PJA2: variants seen among roughly 807,000 people sequenced by gnomAD.
The protein encoded by PJA2 is praja ring finger ubiquitin ligase 2, also known as E3 ubiquitin-protein ligase Praja-2.
In PJA2, 25 loss-of-function variants were observed where a neutral mutation model predicts 69.3. The observed-to-expected ratio is 0.36, with a 90% CI of 0.26 to 0.50. PJA2 has a LOEUF of 0.50. PJA2 is among the 20% of genes least tolerant of loss of function. PJA2 has a pLI of 0.96. For synonymous variants in PJA2, 308 were observed against 277.8 expected (o/e 1.11, Z -1.08); for missense variants, 809 against 830.2 (o/e 0.97, Z 0.31).
At chr5:109,390,769 C>T (rs1747264456) in intron 1 of PJA2, 3 of 151,964 alleles carry the variant, frequency 2.0e-5, no homozygotes, top group Admixed American at 2.0e-4. Flanking sequence ...CTAGAAATTA[C>T]AAAATGTATC....
At chr5:109,406,048 T>C (rs1174704335) in intron 1 of PJA2, among the ~76,000 whole-genome samples, 1 of 148,932 alleles carries the variant, frequency 6.7e-6, no homozygotes, top group African/African-American at 2.5e-5. Context: ...CCATTTTTTT[T>C]TTTTTTTTTT....
intron 7 of PJA2, among the ~76,000 whole-genome samples, chr5:109,353,003 ATT>A (rs1762286305): frequency 1.5e-5 from 2 of 135,880 alleles, no homozygotes; most frequent in African/African-American, 5.5e-5. Context: ...ATATCTATAT[ATT>A]AGATACCTAT....
At chr5:109,344,161 T>G (rs1175222352) in intron 9 of PJA2, 29 bp downstream of exon 9, 1 of 1,308,908 alleles carries the variant, frequency 7.6e-7, no homozygotes, top group Non-Finnish European at 1.0e-6. Flanking sequence ...TTAAAGTATT[T>G]TTAAATTTTT....
intron 9 of PJA2, among the ~76,000 whole-genome samples, chr5:109,342,164 C>T (rs1762079985): frequency 3.7e-5 from 4 of 109,244 alleles, no homozygotes; most frequent in Admixed American, 8.5e-5. Flanking sequence ...GTCAGCCCCC[C>T]GCCCGGCCAG....
At chr5:109,365,698 C>T (rs943059445) in intron 5 of PJA2, among the ~76,000 whole-genome samples, 3 of 152,086 alleles carry the variant, frequency 2.0e-5, no homozygotes, top group Non-Finnish European at 2.9e-5. Context: ...AGCACTCAAA[C>T]TTGTGTCATT....
At chr5:109,401,335 C>A (rs1029017392) in intron 1 of PJA2, among the ~76,000 whole-genome samples, 1 of 152,082 alleles carries the variant, frequency 6.6e-6, no homozygotes, top group African/African-American at 2.4e-5. Flanking sequence ...TGGCTCAGGC[C>A]TGCAAATGCA....
rs748269912 is a variant in PJA2, at chr5:109,353,107, C to CTAT, written c.1764+2805_1764+2807dup. Among the ~76,000 whole-genome samples the CTAT allele has an allele frequency of 8.2e-3, 1,134 of 139,068 alleles. 21 individuals are homozygous for CTAT. The highest frequency in any genetic ancestry group is 0.018 in the Admixed American group (247 of 13,570). The allele number at this position is 139,068 out of a possible 152,430, so 91.2% of individuals were successfully genotyped here. On this transcript the variant is annotated intron_variant, in intron 7 of 9. Transcript: ENST00000361189. The stretch of plus-strand genomic sequence containing the variant: ...CTATAGACATCTATATATTAGATAC[C>CTAT]TATATCTATAGACATCTATATATTA...
chr5:109,387,829 C>CA (rs1747193444), intron 1 of PJA2, among the ~76,000 whole-genome samples: 1 of 158 alleles, frequency 6.3e-3, no homozygotes, highest in Admixed American at 0.083. Flanking sequence ...AAGACAAAGG[C>CA]CTGTTTATTT....
intron 7 of PJA2, among the ~76,000 whole-genome samples, chr5:109,353,804 A>G (rs1028640913): frequency 4.0e-4 from 54 of 134,028 alleles, no homozygotes; most frequent in Non-Finnish European, 7.4e-4. Context: ...ATCTAGAGAT[A>G]TCTATAGATT....
intron 4 of PJA2, 146 bp downstream of exon 4, chr5:109,378,058 G>C: frequency 3.2e-6 from 2 of 625,280 alleles, no homozygotes; most frequent in South Asian, 2.3e-5. Flanking sequence ...TGCATGTATG[G>C]TTAGCATTCA....
intron 8 of PJA2, 77 bp from the exon 9 acceptor site, chr5:109,344,388 A>T: frequency 7.0e-7 from 1 of 1,428,734 alleles, no homozygotes; most frequent in South Asian, 1.5e-5. Context: ...TATTATACTC[A>T]TAGAAGATAC....
At chr5:109,405,037 A>G (rs1747650593) in intron 1 of PJA2, among the ~76,000 whole-genome samples, 1 of 152,238 alleles carries the variant, frequency 6.6e-6, no homozygotes, top group Non-Finnish European at 1.5e-5. Context: ...TTGTCTACAT[A>G]GGACAATTCC....
chr5:109,382,260 T>C (rs941148071), intron 2 of PJA2, among the ~76,000 whole-genome samples: 3 of 152,044 alleles, frequency 2.0e-5, no homozygotes, highest in Admixed American at 2.0e-4. Flanking sequence ...GATAAAACTA[T>C]CCAAAAGAAA....
chr5:109,363,876 G>C (rs1762537703), intron 5 of PJA2, among the ~76,000 whole-genome samples: 1 of 152,208 alleles, frequency 6.6e-6, no homozygotes, highest in Non-Finnish European at 1.5e-5. Flanking sequence ...ATTAGGCTAG[G>C]TGCAGTGGCT....
At chr5:109,381,808 A>C (rs1747055537) in intron 2 of PJA2, 105 bp from the exon 3 acceptor site, 1 of 902,908 alleles carries the variant, frequency 1.1e-6, no homozygotes, top group African/African-American at 1.7e-5. Flanking sequence ...TTATCAAATC[A>C]TATGCTTCTG....
Position 109,348,599 on chromosome 5 carries a change from G to T in PJA2, c.1765-3780C>A, listed in dbSNP as rs527776508. Among the ~76,000 whole-genome samples, 3 of 152,258 alleles carry T rather than the reference G, an allele frequency of 2.0e-5. No individual in the cohort carries two copies. The South Asian group carries it at 6.2e-4, about 32-fold the overall frequency. On this transcript the variant is annotated intron_variant, in intron 7 of 9. Coordinates refer to ENST00000361189, the MANE Select transcript of PJA2 (RefSeq NM_014819.5). ...GGCTTCCTCTGCTTGAAAACCCTGT[G>T]ATAATCTCACCTGGAGTGTGAATCT...
chr5:109,351,369 A>C (rs778071250), intron 7 of PJA2, among the ~76,000 whole-genome samples: 7 of 152,160 alleles, frequency 4.6e-5, no homozygotes, highest in Non-Finnish European at 8.8e-5. Flanking sequence ...AAATGCCTCC[A>C]TCTCATTAGA....
intron 6 of PJA2, among the ~76,000 whole-genome samples, chr5:109,361,539 T>C (rs1762505581): frequency 6.6e-6 from 1 of 152,180 alleles, no homozygotes. Context: ...CTGAACACTT[T>C]GAGGAATTAC....
intron 6 of PJA2, 48 bp from the exon 7 acceptor site, chr5:109,356,074 G>A: frequency 1.6e-6 from 2 of 1,248,936 alleles, no homozygotes; most frequent in East Asian, 2.3e-5. Context: ...TATGATTTGG[G>A]AAATCTTATG....
Sources: allele counts gnomAD v4.1 joint callset (sites outside exome capture counted in the v4.1 genomes callset), GRCh38; gene constraint gnomAD v4.1.1; transcripts MANE v1.5; gene names NCBI Gene and HGNC (gene_info 2026-07-23, HGNC 2026-07-21).